Variants in SUGP1 observed in about 807,000 individuals in gnomAD.
The protein encoded by SUGP1 is SURP and G-patch domain containing 1.
SUGP1 carries 34 observed loss-of-function variants against 76.5 expected under a neutral mutation model. The ratio of observed to expected loss-of-function variants is 0.44; its 90% CI spans 0.34 to 0.59. SUGP1 has a LOEUF of 0.59. Among genes scored for constraint, SUGP1 ranks in the 20% least tolerant of loss-of-function variants. The pLI is 0.01. For synonymous variants in SUGP1, 326 were observed against 326.2 expected, an observed-to-expected ratio of 1.00 and a Z score of 0.01; for missense variants, 752 against 851.7, an observed-to-expected ratio of 0.88 and a Z score of 1.46.
intron 4 of SUGP1, chr19:19,304,101 A>C: frequency 7.3e-7 from 1 of 1,362,346 alleles, no homozygotes; most frequent in Non-Finnish European, 9.8e-7. Context: ...AGCTAGCAGA[A>C]AATATATCCA....
intron 8 of SUGP1, among the ~76,000 whole-genome samples, chr19:19,293,414 T>A (rs2061200990): frequency 6.6e-6 from 1 of 151,574 alleles, no homozygotes; most frequent in African/African-American, 2.4e-5. Context: ...TGAAACCCTG[T>A]CTCTACCAAA....
At chr19:19,302,528 C>T (rs2061280159) in intron 6 of SUGP1, 140 bp from the exon 7 acceptor site, 1 of 1,228,832 alleles carries the variant, frequency 8.1e-7, no homozygotes, top group Non-Finnish European at 1.1e-6. Flanking sequence ...CAGATTACTA[C>T]ACTGGGACCA....
At chr19:19,317,769 T>G (rs886522020) in intron 1 of SUGP1, among the ~76,000 whole-genome samples, 2 of 151,350 alleles carry the variant, frequency 1.3e-5, no homozygotes, top group Admixed American at 6.6e-5. Context: ...CCTCCCAAAG[T>G]GCTGGGATTT....
chr19:19,316,657 G>T, intron 1 of SUGP1, 64 bp from the exon 2 acceptor site: 1 of 1,568,860 alleles, frequency 6.4e-7, no homozygotes, highest in Non-Finnish European at 8.7e-7. Context: ...AAGAAGCTGT[G>T]ACAGGCCAGA....
intron 7 of SUGP1, among the ~76,000 whole-genome samples, chr19:19,297,758 G>A (rs1373533181): frequency 6.6e-6 from 1 of 152,194 alleles, no homozygotes; most frequent in Non-Finnish European, 1.5e-5. Context: ...GATCCCAAGG[G>A]CTTCTCAAAT....
At chr19:19,294,960 T>C (rs1046960150) in intron 8 of SUGP1, among the ~76,000 whole-genome samples, 2 of 152,128 alleles carry the variant, frequency 1.3e-5, no homozygotes, top group African/African-American at 4.8e-5. Flanking sequence ...ATCCAGAATC[T>C]ATAAAAGAGA....
intron 3 of SUGP1, among the ~76,000 whole-genome samples, chr19:19,309,023 C>G (rs891479662): frequency 1.3e-5 from 2 of 152,142 alleles, no homozygotes; most frequent in African/African-American, 2.4e-5. Flanking sequence ...CCTGCCACCA[C>G]GCCCGGCTAA....
chr19:19,319,780 C>CACTCTGATCAT (rs2061425737), intron 1 of SUGP1, among the ~76,000 whole-genome samples: 2 of 151,472 alleles, frequency 1.3e-5, no homozygotes, highest in Admixed American at 6.6e-5. Flanking sequence ...CAGAAGCCTC[C>CACTCTGATCAT]ACTCTGATCA....
intron 8 of SUGP1, among the ~76,000 whole-genome samples, chr19:19,283,756 T>C (rs978893660): frequency 6.6e-6 from 1 of 152,140 alleles, no homozygotes; most frequent in Non-Finnish European, 1.5e-5. Flanking sequence ...GTCCGGCCAA[T>C]TTTGTATTTT....
chr19:19,283,745 C>T (rs1433057213), intron 8 of SUGP1, among the ~76,000 whole-genome samples: 1 of 152,178 alleles, frequency 6.6e-6, no homozygotes, highest in Non-Finnish European at 1.5e-5. Flanking sequence ...TGAGCCACCA[C>T]GTCCGGCCAA....
At position 19,303,415 on chromosome 19, in the gene SUGP1, G is replaced by A. The variant is rs7508644; in HGVS notation, c.696C>T (p.Leu232=). ...FLHDKNSREF[L]YYRKKVAEIR... is the part of the protein sequence containing the mutation. ...TCTCAGCCACCTTCTTCCTGTAGTA[G>A]AGGAATTCCCTGCTATTCTTATCGT... is the stretch of plus-strand genomic sequence containing the variant. Residue 232 remains leucine, a synonymous_variant, in exon 6 of 14, where the codon CTC becomes CTT. Coordinates refer to ENST00000247001, the MANE Select transcript of SUGP1 (RefSeq NM_172231.4). 1 of 1,614,076 alleles carries A rather than the reference G, an allele frequency of 6.2e-7. No individual in the cohort carries two copies. Among genetic ancestry groups the A allele is most frequent in the Non-Finnish European group, 8.5e-7 (1 of 1,180,042 alleles).
rs1370984474 is a variant in SUGP1, at chr19:19,303,560, A to G, written c.663-112T>C. On this transcript the variant is annotated intron_variant, in intron 5 of 13. Transcript: ENST00000247001. ...GCAGGCTGGCGAGCAGGGACCCGAA[A>G]GCAAGTCTCCGTGCCACATGGGAGC... 8.2e-6 allele frequency: 11 copies of G among 1,346,640 alleles called. No homozygotes were observed. In the African/African-American group the frequency reaches 1.6e-4, roughly 19 times the overall value. The allele number at this position is 1,346,640 out of a possible 1,614,324, so 83.4% of individuals were successfully genotyped here. A position where few individuals can be genotyped will look rare whatever the true frequency, so the allele number is the denominator to read the frequency against.
At chr19:19,278,030 C>G (rs2061067558) in intron 11 of SUGP1, 151 bp from the exon 12 acceptor site, 8 of 958,628 alleles carry the variant, frequency 8.3e-6, no homozygotes, top group Non-Finnish European at 1.2e-5. Flanking sequence ...AACAAACAGA[C>G]CAAGCTCCTC....
chr19:19,303,459 G>A lies in SUGP1; in HGVS notation c.663-11C>T. ...TTATCGTGCAAAAATCTGGAGAGGA[G>A]GAAGTTTGCAGAAGAGAGGGGAAAA... On this transcript the variant is annotated splice_polypyrimidine_tract_variant and intron_variant, in intron 5 of 13. Coordinates refer to ENST00000247001, the MANE Select transcript of SUGP1 (RefSeq NM_172231.4). 1.9e-6 allele frequency: 3 copies of A among 1,609,356 alleles called. No individual in the cohort carries two copies. Among genetic ancestry groups the A allele is most frequent in the Non-Finnish European group, 2.6e-6 (3 of 1,175,666 alleles).
At chr19:19,300,485 C>T (rs1347059259) in intron 7 of SUGP1, among the ~76,000 whole-genome samples, 2 of 152,154 alleles carry the variant, frequency 1.3e-5, no homozygotes, top group African/African-American at 2.4e-5. Context: ...CCACATGAGG[C>T]GGCTGTTAGA....
At chr19:19,295,605 C>CA (rs55921805) in intron 8 of SUGP1, among the ~76,000 whole-genome samples, 9,306 of 66,110 alleles carry the variant, frequency 0.14, 745 homozygotes, top group South Asian at 0.22. Context: ...GACTCCTTCT[C>CA]AAAAAAAAAA....
In SUGP1 at chr19:19,277,813, G is replaced by T; in HGVS notation, c.1702C>A (p.Gln568Lys). The T allele has an allele frequency of 1.2e-6, 2 of 1,614,022 alleles. No homozygotes were observed. The highest frequency in any genetic ancestry group is 1.7e-4 in the Middle Eastern group (1 of 6,058). Reference sequence around the variant, plus strand: ...TTCCAGCCCATCTTCATCAGCATCTGGTAGCCGATGTTCTCCACAGTCAGC... The same window carrying T: ...TTCCAGCCCATCTTCATCAGCATCTTGTAGCCGATGTTCTCCACAGTCAGC... ...FKLTVENIGY[Q>K]MLMKMGWKEG... The change falls in exon 12 of 14, where the codon CAG becomes AAG. Residue 568 changes from glutamine (Q) to lysine (K), a missense_variant. Gln to Lys is a moderately conservative substitution (Grantham distance 53, BLOSUM62 1). Around this residue, in one of 2 missense-constraint regions of SUGP1, gnomAD observed 132 missense variants for 234.4 expected, o/e 0.56. Coordinates refer to ENST00000247001, the MANE Select transcript of SUGP1 (RefSeq NM_172231.4).
chr19:19,283,454 T>C (rs2146594813), intron 8 of SUGP1, among the ~76,000 whole-genome samples: 1 of 148,410 alleles, frequency 6.7e-6, no homozygotes, highest in East Asian at 2.0e-4. Flanking sequence ...TTTTTTTTCC[T>C]TCTTTTTTTT....
At chr19:19,310,254 G>A (rs2061344353) in intron 2 of SUGP1, 54 bp from the exon 3 acceptor site, 3 of 1,373,560 alleles carry the variant, frequency 2.2e-6, no homozygotes, top group Non-Finnish European at 3.1e-6. Context: ...TGGAGTGAGG[G>A]CACCAGAGGA....
Sources: allele counts gnomAD v4.1 joint callset (sites outside exome capture counted in the v4.1 genomes callset), GRCh38; gene constraint gnomAD v4.1.1; regional missense constraint gnomAD v4.1.1; transcripts MANE v1.5; gene names NCBI Gene and HGNC (gene_info 2026-07-23, HGNC 2026-07-21).